The following CKAP2L variants were observed in gnomAD, a reference collection of about 807,000 sequenced individuals.
CKAP2L encodes cytoskeleton-associated protein 2-like.
A neutral mutation model predicts 65.7 loss-of-function variants in CKAP2L; 42 were observed. That is an observed-to-expected ratio of 0.64 (90% confidence interval 0.50 to 0.83). CKAP2L has a LOEUF of 0.83. Ranked by LOEUF, CKAP2L falls within the 40% of genes least tolerant of loss-of-function variation. The pLI is 0.00. For synonymous variants in CKAP2L, 325 were observed against 313.5 expected (o/e 1.04, Z -0.39); for missense variants, 908 against 871.0 (o/e 1.04, Z -0.53).
rs1680552014 is a variant in CKAP2L, at chr2:112,756,703, G to A, written c.668C>T (p.Pro223Leu). Reference sequence around the variant, plus strand: ...TGAACTTTTGCCCAAGGCTTGTTTAGGAACTAAACTGTTCTTGGTTTGATT... The same window carrying A: ...TGAACTTTTGCCCAAGGCTTGTTTAAGAACTAAACTGTTCTTGGTTTGATT... The part of the protein sequence containing the change: ...SYNQTKNSLV[P>L]KQALGKSSVN... Residue 223 changes from proline to leucine, a missense_variant, in exon 4 of 9, where the codon CCT becomes CTT. Pro to Leu is a moderately conservative substitution (Grantham distance 98). Coordinates refer to ENST00000302450, the MANE Select transcript of CKAP2L (RefSeq NM_152515.5). The A allele has an allele frequency of 6.3e-7, 1 of 1,592,312 alleles. No individual in the cohort carries two copies. The highest frequency in any genetic ancestry group is 1.2e-5 in the South Asian group (1 of 86,954).
rs989293784 is a variant in CKAP2L at position 112,756,906 on chromosome 2, T to C, written c.465A>G (p.Thr155=). Residue 155 remains threonine (T), a synonymous_variant, in exon 4 of 9, where the codon ACA becomes ACG. Transcript: ENST00000302450. ...EQLKTTKQQL[T]DQGNGKCIDF... ...CTATACATTTACCATTTCCTTGATC[T>C]GTTAACTGCTGCTTTGTAGTTTTCA... 1.2e-6 allele frequency: 2 copies of C among 1,613,854 alleles called. No homozygotes were observed. The highest frequency in any genetic ancestry group is 1.7e-6 in the Non-Finnish European group (2 of 1,179,924).
rs1279482924 is a variant in CKAP2L, at chr2:112,756,894, A to G, written c.477T>C (p.Asn159=). ...TTKQQLTDQG[N]GKCIDFMNNI... is the part of the protein sequence containing the mutation. The stretch of plus-strand genomic sequence containing the variant: ...TATTCATAAAGTCTATACATTTACC[A>G]TTTCCTTGATCTGTTAACTGCTGCT... The change falls in exon 4 of 9, where the codon AAT becomes AAC. Residue 159 remains asparagine, a synonymous_variant. Transcript: ENST00000302450. The G allele has an allele frequency of 1.2e-6, 2 of 1,613,450 alleles. No individual in the cohort carries two copies. The highest frequency in any genetic ancestry group is 1.7e-6 in the Non-Finnish European group (2 of 1,179,834).
At chr2:112,741,354 C>T (rs1679950368) in intron 7 of CKAP2L, among the ~76,000 whole-genome samples, 1 of 152,186 alleles carries the variant, frequency 6.6e-6, no homozygotes, top group African/African-American at 2.4e-5. Flanking sequence ...TTACACCACA[C>T]CTTGGATCAA....
At chr2:112,739,486 G>A (rs1006535550) in intron 8 of CKAP2L, among the ~76,000 whole-genome samples, 7 of 152,214 alleles carry the variant, frequency 4.6e-5, no homozygotes, top group Non-Finnish European at 8.8e-5. Flanking sequence ...CTTGGATGGT[G>A]TAAGCATAAG....
chr2:112,760,911 G>T, intron 2 of CKAP2L, 147 bp from the exon 3 acceptor site: 1 of 581,708 alleles, frequency 1.7e-6, no homozygotes, highest in South Asian at 2.0e-5. Context: ...ATTTAATAAA[G>T]TCTCCTTATC....
intron 2 of CKAP2L, among the ~76,000 whole-genome samples, chr2:112,761,729 A>G (rs1680729728): frequency 6.6e-6 from 1 of 152,206 alleles, no homozygotes; most frequent in African/African-American, 2.4e-5. Flanking sequence ...CATCTACAGC[A>G]TAAGCCCTGG....
rs1679480313 is a variant in CKAP2L, at chr2:112,738,122, CCT to C, written c.*699_*700del. Reference sequence around the variant, plus strand: ...AAGAAGCAAGTGTCCACTCCCCACCCCTCTCCCCTGCCCCCCTTTTGTTACTT... The same window carrying C: ...AAGAAGCAAGTGTCCACTCCCCACCCCTCCCCTGCCCCCCTTTTGTTACTT... On this transcript the variant is annotated 3_prime_UTR_variant, in exon 9 of 9. Coordinates refer to ENST00000302450, the MANE Select transcript of CKAP2L (RefSeq NM_152515.5). The C allele has an allele frequency of 6.6e-6, 1 of 152,288 alleles. No individual in the cohort carries two copies. The highest frequency in any genetic ancestry group is 1.5e-5 in the Non-Finnish European group (1 of 68,142). The allele number at this position is 152,288 out of a possible 1,614,324, so 9.4% of individuals were successfully genotyped here. A position where few individuals can be genotyped will look rare whatever the true frequency, so the allele number is the denominator to read the frequency against.
chr2:112,762,729 A>G (rs1401625818), intron 1 of CKAP2L, among the ~76,000 whole-genome samples, 160 bp from the exon 2 acceptor site: 1 of 152,162 alleles, frequency 6.6e-6, no homozygotes, highest in Non-Finnish European at 1.5e-5. Flanking sequence ...AGCTAACATC[A>G]ACATCAACAA....
chr2:112,743,040 A>G (rs1466681362), intron 6 of CKAP2L, among the ~76,000 whole-genome samples: 1 of 152,170 alleles, frequency 6.6e-6, no homozygotes, highest in Non-Finnish European at 1.5e-5. Flanking sequence ...ATCAAATTCT[A>G]TTTTCCTATT....
At position 112,757,088 on chromosome 2, in the gene CKAP2L, G is replaced by C. The variant is rs1328808331; in HGVS notation, c.283C>G (p.Pro95Ala). Residue 95 changes from proline to alanine, a missense_variant, in exon 4 of 9, where the codon CCA becomes GCA. By Grantham distance (27) the Pro-to-Ala change is conservative. Transcript: ENST00000302450. ...TAGSQKPKLE[P>A]PKLLGKRLTS... ...AGCCTTTTGCCCAGAAGTTTTGGTG[G>C]CTCCAACTTCGGCTTCTGGGACCCT... 6.2e-7 allele frequency: 1 copy of C among 1,614,152 alleles called. No individual in the cohort carries two copies. The highest frequency in any genetic ancestry group is 1.3e-5 in the African/African-American group (1 of 75,026).
chr2:112,757,277 A>G (rs1462848280), intron 3 of CKAP2L, 63 bp from the exon 4 acceptor site: 1 of 1,203,648 alleles, frequency 8.3e-7, no homozygotes, highest in Non-Finnish European at 1.1e-6. Flanking sequence ...TTTTAAAATA[A>G]TAACTGTGTT....
In CKAP2L at chr2:112,736,596, C is replaced by T. The variant is rs569301797; in HGVS notation, c.*2227G>A. 36 of 152,268 alleles carry T rather than the reference C, an allele frequency of 2.4e-4. No homozygotes were observed. Among genetic ancestry groups the T allele is most frequent in the African/African-American group, 8.4e-4 (35 of 41,548 alleles). 9.4% of individuals were successfully genotyped at this position (152,268 alleles called of 1,614,324 possible). The stretch of plus-strand genomic sequence containing the variant: ...TTTTGTATCCTTGGCCTGCATCTCC[C>T]CATTTCCTCTTCCCCAATCTGTGGT... On this transcript the variant is annotated 3_prime_UTR_variant, in exon 9 of 9. Transcript: ENST00000302450.
In CKAP2L at chr2:112,746,703, A is replaced by C. The variant is rs933638640; in HGVS notation, c.1603-128T>G. On this transcript the variant is annotated intron_variant, in intron 5 of 8. Transcript: ENST00000302450. Reference sequence around the variant, plus strand: ...ACTAATATTTTTGAACTTTTAAAAAAATTTCAATTTTACTGAGGTACAATG... The same window carrying C: ...ACTAATATTTTTGAACTTTTAAAAACATTTCAATTTTACTGAGGTACAATG... 5 of 605,926 alleles carry C rather than the reference A, an allele frequency of 8.3e-6. No individual in the cohort carries two copies. In the Admixed American group the frequency reaches 1.3e-4, roughly 16 times the overall value. 37.5% of individuals were successfully genotyped at this position (605,926 alleles called of 1,614,324 possible). A position where few individuals can be genotyped will look rare whatever the true frequency, so the allele number is the denominator to read the frequency against.
rs112354210 is a variant in CKAP2L at position 112,746,791 on chromosome 2, T to A, written c.1603-216A>T. On this transcript the variant is annotated intron_variant, in intron 5 of 8. Transcript: ENST00000302450. Reference sequence around the variant, plus strand: ...TTAATGATTTGAGATTAATAATAATTATTATTTTTTTTTTGAGATGGAGTC... The same window carrying A: ...TTAATGATTTGAGATTAATAATAATAATTATTTTTTTTTTGAGATGGAGTC... 3.8e-4 allele frequency among the ~76,000 whole-genome samples: 58 copies of A among 152,122 alleles called. 1 individual carries two copies. Among genetic ancestry groups the A allele is most frequent in the African/African-American group, 4.6e-4 (19 of 41,478 alleles).
Position 112,762,504 on chromosome 2 carries a change from T to TG in CKAP2L, c.102dup (p.Lys35GlnfsTer9). On this transcript the variant is annotated frameshift_variant and splice_region_variant, in exon 2 of 9. Coordinates refer to ENST00000302450, the MANE Select transcript of CKAP2L (RefSeq NM_152515.5). LOFTEE classifies it high-confidence loss of function. ...GTAACTGTGGACAGATAAACTCACT[T>TG]GGTGTTTTGGCTCTTCAGTTTTCCC... 6.2e-7 allele frequency: 1 copy of TG among 1,613,074 alleles called. No homozygotes were observed. Among genetic ancestry groups the TG allele is most frequent in the Non-Finnish European group, 8.5e-7 (1 of 1,178,956 alleles).
intron 5 of CKAP2L, 99 bp downstream of exon 5, chr2:112,752,168 C>T: frequency 2.5e-6 from 2 of 812,574 alleles, no homozygotes; most frequent in Non-Finnish European, 4.0e-6. Context: ...TAAATTTCTA[C>T]TTAGATGAAG....
At chr2:112,743,244 G>A (rs1267544168) in intron 6 of CKAP2L, among the ~76,000 whole-genome samples, 2 of 152,112 alleles carry the variant, frequency 1.3e-5, no homozygotes, top group African/African-American at 2.4e-5. Flanking sequence ...CTGGGTTCAT[G>A]CCATTCTCCT....
At chr2:112,740,372 T>C (rs531188790) in intron 8 of CKAP2L, among the ~76,000 whole-genome samples, 1 of 152,216 alleles carries the variant, frequency 6.6e-6, no homozygotes, top group Non-Finnish European at 1.5e-5. Context: ...CGCCCTGACA[T>C]AGCTCCTTAA....
At chr2:112,754,668 G>A (rs778502562) in intron 4 of CKAP2L, among the ~76,000 whole-genome samples, 5 of 152,194 alleles carry the variant, frequency 3.3e-5, no homozygotes, top group Admixed American at 2.0e-4. Context: ...AACACCTACA[G>A]AATGAGTGAA....
Sources: gnomAD v4.1 joint callset for allele counts (sites outside exome capture counted in the v4.1 genomes callset) on GRCh38, gnomAD v4.1.1 for gene constraint, MANE v1.5 for transcripts, NCBI Gene and HGNC (gene_info 2026-07-23, HGNC 2026-07-21) for gene names.